Variants in RANBP2 observed in about 807,000 individuals in gnomAD.
RANBP2 encodes RAN binding protein 2, also known as E3 SUMO-protein ligase RanBP2.
A neutral mutation model predicts 303.6 loss-of-function variants in RANBP2; 57 were observed. The observed-to-expected ratio is 0.19, with a 90% CI of 0.15 to 0.23. The LOEUF is 0.23. Ranked by LOEUF, RANBP2 falls within the 10% of genes least tolerant of loss-of-function variation. RANBP2 has a pLI of 1.00. For synonymous variants in RANBP2, 1,167 were observed against 1,301.5 expected (o/e 0.90, Z 2.23); for missense variants, 3,138 against 3,780.8 (o/e 0.83, Z 4.46).
At chr2:108,910,974 T>C in the RANBP2 span, 1 of 1,614,124 alleles carries the variant, frequency 6.2e-7, no homozygotes, top group South Asian at 1.1e-5. Context: ...GTCTTCAGGA[T>C]GTAGAACATG....
the RANBP2 span, among the ~76,000 whole-genome samples, chr2:109,325,506 T>C: frequency 8.6e-5 from 13 of 151,738 alleles, no homozygotes; most frequent in Non-Finnish European, 1.3e-4. Flanking sequence ...ATGTACAGCA[T>C]ATCATTTCCT....
At chr2:109,516,848 T>G in the RANBP2 span, among the ~76,000 whole-genome samples, 1 of 152,220 alleles carries the variant, frequency 6.6e-6, no homozygotes, top group Non-Finnish European at 1.5e-5. Flanking sequence ...CCCACGATAT[T>G]TTTAGTGCAA....
At chr2:109,561,787 CCT>C in the RANBP2 span, among the ~76,000 whole-genome samples, 7 of 152,134 alleles carry the variant, frequency 4.6e-5, no homozygotes, top group Admixed American at 1.3e-4. Context: ...ATCCTTGATC[CCT>C]CTCTTTCCTT....
the RANBP2 span, among the ~76,000 whole-genome samples, chr2:108,826,624 A>G: frequency 6.6e-6 from 1 of 152,176 alleles, no homozygotes; most frequent in Non-Finnish European, 1.5e-5. Flanking sequence ...GTCTATCCTT[A>G]TGCCGGTGTC....
the RANBP2 span, among the ~76,000 whole-genome samples, chr2:108,842,052 CAG>C: frequency 1.3e-5 from 2 of 152,142 alleles, no homozygotes; most frequent in East Asian, 3.9e-4. Context: ...GTTTTTGAGA[CAG>C]AGTCTCACTC....
chr2:109,375,957 A>G, the RANBP2 span, among the ~76,000 whole-genome samples: 1 of 152,128 alleles, frequency 6.6e-6, no homozygotes, highest in Non-Finnish European at 1.5e-5. Flanking sequence ...GCCTGTGGTC[A>G]CCCCCTTTAC....
chr2:109,164,642 AG>A, the RANBP2 span, among the ~76,000 whole-genome samples: 15 of 152,218 alleles, frequency 9.9e-5, 1 homozygote, highest in South Asian at 3.1e-3. Context: ...GATCTTTGGG[AG>A]GGGGAAAAAA....
At chr2:109,063,298 C>T in the RANBP2 span, among the ~76,000 whole-genome samples, 4 of 152,242 alleles carry the variant, frequency 2.6e-5, no homozygotes, top group Admixed American at 1.3e-4. Flanking sequence ...TACGGTGGAA[C>T]CTTTGAGCAT....
chr2:109,353,781 G>A, the RANBP2 span, among the ~76,000 whole-genome samples: 2 of 152,202 alleles, frequency 1.3e-5, no homozygotes, highest in Non-Finnish European at 2.9e-5. Flanking sequence ...TCCCCTGCCC[G>A]TGTGTGCATG....
chr2:109,614,571 C>A, the RANBP2 span: 241 of 1,375,224 alleles, frequency 1.8e-4, 1 homozygote, highest in African/African-American at 3.5e-3. Context: ...GCGCGGGGGC[C>A]GGGCCCTGCA....
chr2:109,405,013 A>G, the RANBP2 span, among the ~76,000 whole-genome samples: 2 of 44,212 alleles, frequency 4.5e-5, no homozygotes, highest in Admixed American at 4.7e-4. Flanking sequence ...AATACCCCCC[A>G]CCTTCTCTTC....
chr2:109,249,537 TTCCTTCCTTCC>T, the RANBP2 span, among the ~76,000 whole-genome samples: 55 of 97,018 alleles, frequency 5.7e-4, no homozygotes, highest in Non-Finnish European at 6.2e-4. Context: ...CTTTCTTTCC[TTCCTTCCTTCC>T]TTCCTTCCTT....
At chr2:108,944,092 T>G in the RANBP2 span, among the ~76,000 whole-genome samples, 1 of 152,228 alleles carries the variant, frequency 6.6e-6, no homozygotes. Flanking sequence ...CTGTTCCTGT[T>G]TCTGTCTCTG....
chr2:109,333,270 C>T, the RANBP2 span, among the ~76,000 whole-genome samples: 117 of 152,216 alleles, frequency 7.7e-4, no homozygotes, highest in Non-Finnish European at 1.2e-3. Flanking sequence ...TGATTAGTTT[C>T]GCCTTTTAAA....
the RANBP2 span, among the ~76,000 whole-genome samples, chr2:109,292,047 T>G: frequency 6.6e-6 from 1 of 152,156 alleles, no homozygotes; most frequent in Non-Finnish European, 1.5e-5. Flanking sequence ...GTATTTTTAG[T>G]AGAGATGAGG....
At chr2:109,459,067 C>T in the RANBP2 span, among the ~76,000 whole-genome samples, 51 of 152,196 alleles carry the variant, frequency 3.4e-4, no homozygotes, top group Middle Eastern at 3.4e-3. Context: ...AGAGTGCATG[C>T]GCCCTTCCCA....
At chr2:108,920,860 A>G in the RANBP2 span, among the ~76,000 whole-genome samples, 1 of 152,148 alleles carries the variant, frequency 6.6e-6, no homozygotes, top group Non-Finnish European at 1.5e-5. Context: ...GCCACACAGG[A>G]GCCTGGGCAG....
chr2:109,707,798 C>T, the RANBP2 span, among the ~76,000 whole-genome samples: 9 of 152,352 alleles, frequency 5.9e-5, no homozygotes, highest in African/African-American at 2.2e-4. Flanking sequence ...TCTCTTTCAA[C>T]CACACCACTT....
the RANBP2 span, among the ~76,000 whole-genome samples, chr2:109,333,959 T>C: frequency 6.6e-6 from 1 of 152,226 alleles, no homozygotes; most frequent in South Asian, 2.1e-4. Flanking sequence ...CTCAGAGTAC[T>C]TTCTGACAAG....
Sources: allele counts gnomAD v4.1 joint callset (sites outside exome capture counted in the v4.1 genomes callset), GRCh38; gene constraint gnomAD v4.1.1; transcripts MANE v1.5; gene names NCBI Gene and HGNC (gene_info 2026-07-23, HGNC 2026-07-21).